HMGN2: variants seen among roughly 807,000 people sequenced by gnomAD.
HMGN2 encodes high mobility group nucleosomal binding domain 2.
A neutral mutation model predicts 16.9 loss-of-function variants in HMGN2; 2 were observed. The observed-to-expected ratio is 0.12, with a 90% CI of 0.05 to 0.37. The LOEUF (loss-of-function observed/expected upper bound fraction) is 0.37, where lower values mean the gene tolerates loss of function less well. Ranked by LOEUF, HMGN2 falls within the 10% of genes least tolerant of loss-of-function variation. The probability of loss-of-function intolerance (pLI) is 1.00; values close to 1 mark genes in which losing one functional copy is unlikely to be tolerated. For missense variants in HMGN2, 90 were observed against 106.0 expected (o/e 0.85, Z 0.66); for synonymous variants, 31 against 34.9 (o/e 0.89, Z 0.39).
intron 5 of HMGN2, 25 bp from the exon 6 acceptor site, chr1:26,475,088 C>A (rs201659151): frequency 6.3e-7 from 1 of 1,596,566 alleles, no homozygotes; most frequent in Non-Finnish European, 8.6e-7. Context: ...CTACGCATTG[C>A]ATTAATTTGT....
intron 3 of HMGN2, 65 bp downstream of exon 3, chr1:26,473,797 C>T (rs941339503): frequency 5.4e-6 from 8 of 1,476,974 alleles, no homozygotes; most frequent in South Asian, 2.3e-5. Flanking sequence ...AAAACAATTC[C>T]CTTTGCTTCC....
At chr1:26,473,305 CGGCGA>C in intron 1 of HMGN2, 173 bp from the exon 2 acceptor site, 25 of 583,602 alleles carry the variant, frequency 4.3e-5, no homozygotes, top group Non-Finnish European at 6.7e-5. Flanking sequence ...TTCTCGGGGT[CGGCGA>C]GCCGGAGCTC....
intron 4 of HMGN2, 93 bp from the exon 5 acceptor site, chr1:26,474,479 G>C (rs1185246474): frequency 5.7e-6 from 4 of 699,804 alleles, no homozygotes; most frequent in African/African-American, 3.6e-5. Flanking sequence ...GTTTTATCTT[G>C]AGTAAACAAT....
At chr1:26,474,206 C>T in intron 4 of HMGN2, 71 bp downstream of exon 4, 3 of 1,097,994 alleles carry the variant, frequency 2.7e-6, no homozygotes, top group South Asian at 2.8e-5. Flanking sequence ...ACTTAATTAG[C>T]ATAATGGTGC....
At chr1:26,472,887 CT>C (rs910138196) in intron 1 of HMGN2, among the ~76,000 whole-genome samples, 24 of 151,894 alleles carry the variant, frequency 1.6e-4, no homozygotes, top group African/African-American at 5.8e-4. Flanking sequence ...TCTCCTCGGG[CT>C]CGCCGCCCCC....
At chr1:26,474,721 TATCA>T in intron 5 of HMGN2, 54 bp downstream of exon 5, 1 of 854,262 alleles carries the variant, frequency 1.2e-6, no homozygotes, top group Non-Finnish European at 2.0e-6. Flanking sequence ...TAGTTGCTGA[TATCA>T]AAAATTTAAT....
At chr1:26,473,605 G>A (rs577010503) in intron 2 of HMGN2, 78 bp downstream of exon 2, 2 of 1,549,244 alleles carry the variant, frequency 1.3e-6, no homozygotes, top group African/African-American at 2.7e-5. Context: ...CGTAACCTGT[G>A]TCCTGAATTT....
Position 26,474,804 on chromosome 1 carries a change from A to T in HMGN2, c.237+137A>T, listed in dbSNP as rs557901294. 11 of 639,602 alleles carry T rather than the reference A, an allele frequency of 1.7e-5. No individual in the cohort carries two copies. The South Asian group carries it at 2.0e-4, about 12-fold the overall frequency. 39.6% of individuals were successfully genotyped at this position (639,602 alleles called of 1,614,324 possible). A position where few individuals can be genotyped will look rare whatever the true frequency, so the allele number is the denominator to read the frequency against. On this transcript the variant is annotated intron_variant, in intron 5 of 5. Coordinates refer to ENST00000361427, the MANE Select transcript of HMGN2 (RefSeq NM_005517.4). ...GTGCTTGTGGCTTTCCTGTTAACTT[A>T]AATCCTGGATTCTTGAAATCTCTAC... is the stretch of plus-strand genomic sequence containing the variant.
rs200021977 is a variant in HMGN2, at chr1:26,475,096, T to C, written c.238-17T>C. On this transcript the variant is annotated splice_polypyrimidine_tract_variant and intron_variant, in intron 5 of 5. Transcript: ENST00000361427. ...TTGAAATCTACGCATTGCATTAATT[T>C]GTCTGTTTTCTTTTAGGCACAGAAA... 25 of 1,605,980 alleles carry C rather than the reference T, an allele frequency of 1.6e-5. No homozygotes were observed. Among genetic ancestry groups the C allele is most frequent in the Non-Finnish European group, 2.1e-5 (25 of 1,173,844 alleles).
chr1:26,475,835 T>C lies in HMGN2; in HGVS notation c.*687T>C, dbSNP rs959966869. Reference sequence around the variant, plus strand: ...ATTGGGTTTTATAGTGGCTTTCTGATTTTTGGTAGTCCATTGAAGAAGGGA... The same window carrying C: ...ATTGGGTTTTATAGTGGCTTTCTGACTTTTGGTAGTCCATTGAAGAAGGGA... On this transcript the variant is annotated 3_prime_UTR_variant, in exon 6 of 6. Coordinates refer to ENST00000361427, the MANE Select transcript of HMGN2 (RefSeq NM_005517.4). 2.1e-4 allele frequency: 64 copies of C among 303,708 alleles called. No individual in the cohort carries two copies. Among genetic ancestry groups the C allele is most frequent in the Non-Finnish European group, 6.6e-5 (10 of 152,628 alleles). The allele number at this position is 303,708 out of a possible 1,614,324, so 18.8% of individuals were successfully genotyped here. A position where few individuals can be genotyped will look rare whatever the true frequency, so the allele number is the denominator to read the frequency against.
Position 26,476,200 on chromosome 1 carries a change from G to A in HMGN2, c.*1052G>A, listed in dbSNP as rs1002310256. ...GAGTATGGAGTGATTTCTGTACTTG[G>A]TTATGCAGCATTCCCTGCAGTGTTT... On this transcript the variant is annotated 3_prime_UTR_variant, in exon 6 of 6. Coordinates refer to ENST00000361427, the MANE Select transcript of HMGN2 (RefSeq NM_005517.4). 2.0e-5 allele frequency among the ~76,000 whole-genome samples: 3 copies of A among 152,164 alleles called. No individual in the cohort carries two copies. Among genetic ancestry groups the A allele is most frequent in the Non-Finnish European group, 2.9e-5 (2 of 68,038 alleles).
Position 26,476,001 on chromosome 1 carries a change from G to T in HMGN2, c.*853G>T. The T allele has an allele frequency of 3.4e-6, 1 of 293,872 alleles. No homozygotes were observed. The highest frequency in any genetic ancestry group is 6.6e-6 in the Non-Finnish European group (1 of 150,816). 18.2% of individuals were successfully genotyped at this position (293,872 alleles called of 1,614,324 possible). On this transcript the variant is annotated 3_prime_UTR_variant, in exon 6 of 6. Coordinates refer to ENST00000361427, the MANE Select transcript of HMGN2 (RefSeq NM_005517.4). Reference sequence around the variant, plus strand: ...TGCCTCTGATCTTTTCCCACAAGTGGGGTAACCTGGTTTATCCAAGTCTCT... The same window carrying T: ...TGCCTCTGATCTTTTCCCACAAGTGTGGTAACCTGGTTTATCCAAGTCTCT...
intron 1 of HMGN2, 181 bp from the exon 2 acceptor site, chr1:26,473,302 G>T: frequency 5.2e-6 from 3 of 574,716 alleles, no homozygotes; most frequent in South Asian, 2.2e-5. Context: ...CGCTTCTCGG[G>T]GTCGGCGAGC....
intron 1 of HMGN2, 21 bp downstream of exon 1, chr1:26,472,648 A>C (rs2075578152): frequency 6.6e-7 from 1 of 1,524,222 alleles, no homozygotes; most frequent in African/African-American, 1.4e-5. Flanking sequence ...CGAGGGCCCC[A>C]GGCGCCGGGC....
In HMGN2 at chr1:26,476,387, G is replaced by C. The variant is rs999043014; in HGVS notation, c.*1239G>C. On this transcript the variant is annotated 3_prime_UTR_variant, in exon 6 of 6. Coordinates refer to ENST00000361427, the MANE Select transcript of HMGN2 (RefSeq NM_005517.4). Reference sequence around the variant, plus strand: ...TAGACTCATGTCAGAGAGTGTCTCTGTGAATGTGTACACAGTTGTCCATTT... The same window carrying C: ...TAGACTCATGTCAGAGAGTGTCTCTCTGAATGTGTACACAGTTGTCCATTT... Among the ~76,000 whole-genome samples the C allele has an allele frequency of 2.0e-5, 3 of 152,180 alleles. No homozygotes were observed. The highest frequency in any genetic ancestry group is 4.4e-5 in the Non-Finnish European group (3 of 68,030).
chr1:26,472,684 GCCT>G, intron 1 of HMGN2, 57 bp downstream of exon 1: 3 of 1,450,314 alleles, frequency 2.1e-6, no homozygotes, highest in South Asian at 2.5e-5. Flanking sequence ...CGCCGCCGCC[GCCT>G]CCCTGGTGCA....
Position 26,474,500 on chromosome 1 carries a change from G to A in HMGN2, c.142-72G>A. On this transcript the variant is annotated intron_variant, in intron 4 of 5. Coordinates refer to ENST00000361427, the MANE Select transcript of HMGN2 (RefSeq NM_005517.4). ...TCTTGAGTAAACAATCCTACCTTGT[G>A]CAGAACTTTGCAGACCATACCTTGG... 4 of 757,178 alleles carry A rather than the reference G, an allele frequency of 5.3e-6. No individual in the cohort carries two copies. In the South Asian group the frequency reaches 5.9e-5, roughly 11 times the overall value. 46.9% of individuals were successfully genotyped at this position (757,178 alleles called of 1,614,324 possible). A position where few individuals can be genotyped will look rare whatever the true frequency, so the allele number is the denominator to read the frequency against.
Position 26,473,524 on chromosome 1 carries a change from C to G in HMGN2, c.57C>G (p.Asp19Glu), listed in dbSNP as rs763456866. The stretch of plus-strand genomic sequence containing the variant: ...AGGGAGATAAAGCAAAGGTGAAGGA[C>G]GAAGTAAGTCATTCTCTCTTCAAGG... ...DAKGDKAKVK[D>E]EPQRRSARLS... The change falls in exon 2 of 6, where the codon GAC becomes GAG. Residue 19 changes from aspartate (D) to glutamate (E), a missense_variant. Coordinates refer to ENST00000361427, the MANE Select transcript of HMGN2 (RefSeq NM_005517.4). 6.2e-7 allele frequency: 1 copy of G among 1,611,522 alleles called. No individual in the cohort carries two copies. Among genetic ancestry groups the G allele is most frequent in the African/African-American group, 1.3e-5 (1 of 74,844 alleles).
chr1:26,472,982 G>T, intron 1 of HMGN2, among the ~76,000 whole-genome samples: 1 of 151,892 alleles, frequency 6.6e-6, no homozygotes, highest in Middle Eastern at 3.2e-3. Flanking sequence ...GGGCGGGAAG[G>T]CGGCGCTCGG....
Sources: allele counts gnomAD v4.1 joint callset (sites outside exome capture counted in the v4.1 genomes callset), GRCh38; gene constraint gnomAD v4.1.1; transcripts MANE v1.5; gene names NCBI Gene and HGNC (gene_info 2026-07-23, HGNC 2026-07-21).